MMS19: variants seen among roughly 807,000 people sequenced by gnomAD.
MMS19 encodes the protein MMS19 cytosolic iron-sulfur assembly component.
A neutral mutation model predicts 129.8 loss-of-function variants in MMS19; 77 were observed. That is an observed-to-expected ratio of 0.59 (90% CI 0.49 to 0.72). The LOEUF (loss-of-function observed/expected upper bound fraction) is 0.72. Ranked by LOEUF, MMS19 falls within the 30% of genes least tolerant of loss-of-function variation. The probability of loss-of-function intolerance (pLI) is 0.00; values close to 1 mark genes in which losing one functional copy is unlikely to be tolerated. For missense variants in MMS19, 1,168 were observed against 1,266.3 expected, an observed-to-expected ratio of 0.92 and a Z score of 1.18; for synonymous variants, 491 against 502.8, an observed-to-expected ratio of 0.98 and a Z score of 0.31.
At chr10:97,491,091 A>T (rs2038789465) in intron 1 of MMS19, among the ~76,000 whole-genome samples, 1 of 152,238 alleles carries the variant, frequency 6.6e-6, no homozygotes. Context: ...TTCTTGGAAC[A>T]GCCTGGCTAT....
At position 97,465,798 on chromosome 10, in the gene MMS19, T is replaced by C. The variant is rs962667559; in HGVS notation, c.1756+7A>G. On this transcript the variant is annotated splice_region_variant and intron_variant, in intron 18 of 30. Transcript: ENST00000438925. ...CCAGTCCGTTGGTGGTTATTCCTAG[T>C]AGTTACCTCTGTTCACTTGCCAGAG... 5.0e-6 allele frequency: 8 copies of C among 1,610,390 alleles called. No homozygotes were observed. Among genetic ancestry groups the C allele is most frequent in the Non-Finnish European group, 6.8e-6 (8 of 1,179,132 alleles).
At chr10:97,486,177 G>A (rs2037811567) in intron 1 of MMS19, among the ~76,000 whole-genome samples, 1 of 152,108 alleles carries the variant, frequency 6.6e-6, no homozygotes, top group Admixed American at 6.5e-5. Context: ...ACCACTTGGT[G>A]TTTTTTGTTT....
rs780554263 is a variant in MMS19 at position 97,469,080 on chromosome 10, C to A, written c.949G>T (p.Val317Leu). ...AGGGCCGCCAGGCCCTCTGCCTCCACCCGCTCACTTGCCGTCTGGAACACC... is the reference window on the plus strand; with the variant it reads ...AGGGCCGCCAGGCCCTCTGCCTCCAACCGCTCACTTGCCGTCTGGAACACC... Reference protein sequence around the residue: ...REVFQTASERVEAEGLAALHS... With the variant: ...REVFQTASERLEAEGLAALHS... The change falls in exon 12 of 31, where the codon GTG (valine) becomes TTG (leucine). Residue 317 changes from valine to leucine, a missense_variant. By Grantham distance (32) the Val-to-Leu change is conservative. Around this residue, in one of 3 missense-constraint regions of MMS19, gnomAD observed 831 missense variants for 910.8 expected, o/e 0.91. Coordinates refer to ENST00000438925, the MANE Select transcript of MMS19 (RefSeq NM_022362.5). 3.2e-5 allele frequency: 51 copies of A among 1,581,402 alleles called. No individual in the cohort carries two copies. Among genetic ancestry groups the A allele is most frequent in the Admixed American group, 9.0e-5 (5 of 55,614 alleles).
At chr10:97,490,747 G>A in intron 1 of MMS19, among the ~76,000 whole-genome samples, 1 of 152,198 alleles carries the variant, frequency 6.6e-6, no homozygotes, top group South Asian at 2.1e-4. Flanking sequence ...ACAGTAAGAA[G>A]TCGTCCAATG....
rs368460281 is a variant in MMS19, at chr10:97,465,934, C to T, written c.1627G>A (p.Gly543Arg). The change falls in exon 18 of 31, where the codon GGA becomes AGA. Residue 543 changes from glycine to arginine, a missense_variant. Gly to Arg is a moderately radical substitution (Grantham distance 125). Coordinates refer to ENST00000438925, the MANE Select transcript of MMS19 (RefSeq NM_022362.5). ...CGGGAGCATTGGGTGGGCTCATCTCCGTTAGTCAAATTTGACTCCCCTGAA... is the reference window on the plus strand; with the variant it reads ...CGGGAGCATTGGGTGGGCTCATCTCTGTTAGTCAAATTTGACTCCCCTGAA... ...LRVGESNLTNGDEPTQCSRHL... is the reference protein window; with the variant it reads ...LRVGESNLTNRDEPTQCSRHL... 1.4e-5 allele frequency: 22 copies of T among 1,613,726 alleles called. No homozygotes were observed. Among genetic ancestry groups the T allele is most frequent in the Middle Eastern group, 3.3e-4 (2 of 6,084 alleles).
At chr10:97,480,796 A>G (rs886851722) in intron 3 of MMS19, 146 bp downstream of exon 3, 2 of 682,426 alleles carry the variant, frequency 2.9e-6, no homozygotes, top group East Asian at 2.7e-5. Flanking sequence ...TCTCTGCCAC[A>G]TATACCAGTG....
At chr10:97,493,916 G>A (rs182250715) in intron 1 of MMS19, among the ~76,000 whole-genome samples, 32 of 152,244 alleles carry the variant, frequency 2.1e-4, no homozygotes, top group African/African-American at 7.7e-4. Flanking sequence ...TCGGGAGGCT[G>A]AGGCAGGAGA....
intron 1 of MMS19, among the ~76,000 whole-genome samples, chr10:97,486,286 A>G (rs1328047961): frequency 6.6e-6 from 1 of 152,172 alleles, no homozygotes; most frequent in Non-Finnish European, 1.5e-5. Context: ...GTTTCAAGCA[A>G]TTCTCCTGTC....
At position 97,459,016 on chromosome 10, in the gene MMS19, A is replaced by C. The variant is rs905622126; in HGVS notation, c.2965-116T>G. The C allele has an allele frequency of 2.7e-6, 3 of 1,098,626 alleles. No homozygotes were observed. In the African/African-American group the frequency reaches 4.7e-5, roughly 17 times the overall value. 68.1% of individuals were successfully genotyped at this position (1,098,626 alleles called of 1,614,324 possible). On this transcript the variant is annotated intron_variant, in intron 29 of 30. Transcript: ENST00000438925. ...AAGCAAAACATCTTTAGTGATTCCA[A>C]GGGATGTTAAGTGGCAGGATGGCCT... is the stretch of plus-strand genomic sequence containing the variant.
At chr10:97,480,374 CAAAA>C (rs754031968) in intron 3 of MMS19, 2 of 436,720 alleles carry the variant, frequency 4.6e-6, no homozygotes, top group Non-Finnish European at 9.0e-6. Flanking sequence ...ACCAAAAAAA[CAAAA>C]AAAACAAAAC....
chr10:97,492,431 A>G (rs944634672), intron 1 of MMS19, among the ~76,000 whole-genome samples: 2 of 151,524 alleles, frequency 1.3e-5, no homozygotes, highest in South Asian at 4.2e-4. Flanking sequence ...GTGGAGACGG[A>G]GCCACTGCAC....
chr10:97,498,350 G>A lies in MMS19; in HGVS notation c.35C>T (p.Pro12Leu), dbSNP rs1487941856. Residue 12 changes from proline (P) to leucine (L), a missense_variant, in exon 1 of 31, where the codon CCT becomes CTT. By Grantham distance (98) the Pro-to-Leu change is moderately conservative. Around this residue, in one of 3 missense-constraint regions of MMS19, gnomAD observed 329 missense variants for 328.6 expected, o/e 1.00. Transcript: ENST00000438925. ...CACGAGGCCCCATAGGGCACCCATA[G>A]GCGCCGCCGCCTCCACAGCCGCGGC... ...AAAAAVEAAA[P>L]MGALWGLVHD... is the part of the protein sequence containing the mutation. 38 of 1,571,466 alleles carry A rather than the reference G, an allele frequency of 2.4e-5. 1 individual carries two copies. The Admixed American group carries it at 6.6e-4, about 27-fold the overall frequency.
chr10:97,476,884 C>G lies in MMS19; in HGVS notation c.573G>C (p.Leu191=), dbSNP rs1425058845. 6.2e-7 allele frequency: 1 copy of G among 1,613,988 alleles called. No individual in the cohort carries two copies. Among genetic ancestry groups the G allele is most frequent in the South Asian group, 1.1e-5 (1 of 91,078 alleles). Reference sequence around the variant, plus strand: ...GGTCATGGACGATGCGGAAGGCCACCAGAAGATTACGGGGATCCTTTTCCC... The same window carrying G: ...GGTCATGGACGATGCGGAAGGCCACGAGAAGATTACGGGGATCCTTTTCCC... ...MDGEKDPRNL[L]VAFRIVHDLI... The change falls in exon 7 of 31, where the codon CTG becomes CTC. Residue 191 remains leucine, a synonymous_variant. Coordinates refer to ENST00000438925, the MANE Select transcript of MMS19 (RefSeq NM_022362.5).
intron 19 of MMS19, 21 bp downstream of exon 19, chr10:97,463,837 G>C (rs756403330): frequency 3.1e-6 from 5 of 1,603,766 alleles, no homozygotes; most frequent in Non-Finnish European, 4.3e-6. Context: ...CAAAGGCCAG[G>C]AAGGAGAGGT....
At chr10:97,487,493 G>C (rs2038122058) in intron 1 of MMS19, among the ~76,000 whole-genome samples, 1 of 151,812 alleles carries the variant, frequency 6.6e-6, no homozygotes, top group African/African-American at 2.4e-5. Context: ...TAATTTTTTT[G>C]TATTTTTAGT....
rs757427395 is a variant in MMS19 at position 97,466,544 on chromosome 10, G to T, written c.1465C>A (p.Leu489Met). The change falls in exon 16 of 31, where the codon CTG becomes ATG. Residue 489 changes from leucine to methionine, a missense_variant. Leu to Met is a conservative substitution (Grantham distance 15, BLOSUM62 2). Coordinates refer to ENST00000438925, the MANE Select transcript of MMS19 (RefSeq NM_022362.5). ...TCCTTCAGGAAGCTCAGTCTGTACA[G>T]GTGACCCACTGCCAGCTCCAAGTCC... Reference protein sequence around the residue: ...YEDLELAVGHLYRLSFLKEDS... With the variant: ...YEDLELAVGHMYRLSFLKEDS... 1.5e-5 allele frequency: 25 copies of T among 1,613,860 alleles called. 1 individual carries two copies. In the South Asian group the frequency reaches 2.7e-4, roughly 18 times the overall value.
upstream of MMS19, chr10:97,498,439 T>TC: frequency 6.5e-7 from 1 of 1,546,066 alleles, no homozygotes; most frequent in Non-Finnish European, 8.7e-7. Flanking sequence ...AGACGGGCTC[T>TC]CCGCGCATGC....
chr10:97,489,784 C>T (rs1160136636), intron 1 of MMS19, among the ~76,000 whole-genome samples: 1 of 152,122 alleles, frequency 6.6e-6, no homozygotes, highest in African/African-American at 2.4e-5. Context: ...CCCCAATTTG[C>T]ATTTGTTTGA....
At chr10:97,462,170 C>T in intron 20 of MMS19, 51 bp from the exon 21 acceptor site, 1 of 1,332,720 alleles carries the variant, frequency 7.5e-7, no homozygotes, top group Non-Finnish European at 1.1e-6. Flanking sequence ...CTAAAGCAGC[C>T]CTCTCCTCCA....
Sources: gnomAD v4.1 joint callset for allele counts (sites outside exome capture counted in the v4.1 genomes callset) on GRCh38, gnomAD v4.1.1 for gene constraint, gnomAD v4.1.1 regional missense constraint, MANE v1.5 for transcripts, NCBI Gene and HGNC (gene_info 2026-07-23, HGNC 2026-07-21) for gene names.